Variants in DNM1L observed in about 807,000 individuals in gnomAD.
The protein encoded by DNM1L is dynamin-1-like protein.
DNM1L carries 33 observed loss-of-function variants against 92.8 expected under a neutral mutation model. The observed-to-expected ratio is 0.36, with a 90% CI of 0.27 to 0.48. The LOEUF (loss-of-function observed/expected upper bound fraction) is 0.48. Among genes scored for constraint, DNM1L ranks in the 20% least tolerant of loss-of-function variants. DNM1L has a pLI of 0.99. For missense variants in DNM1L, 485 were observed against 888.8 expected (o/e 0.55, Z 5.78); for synonymous variants, 284 against 305.0 (o/e 0.93, Z 0.72).
chr12:32,740,498 CAGAA>C lies in DNM1L; in HGVS notation c.1979_1982del (p.Lys660IlefsTer10), dbSNP rs1955214230. On this transcript the variant is annotated frameshift_variant, in exon 18 of 20. Transcript: ENST00000549701. LOFTEE classifies it high-confidence loss of function. The stretch of plus-strand genomic sequence containing the variant: ...TCATTAAATCATATTTTCTCATTGT[CAGAA>C]AGAATATTCAAGACAGGTTAGTATT... The C allele has an allele frequency of 1.9e-6, 3 of 1,613,076 alleles. No individual in the cohort carries two copies. The highest frequency in any genetic ancestry group is 1.7e-6 in the Non-Finnish European group (2 of 1,179,442).
intron 9 of DNM1L, chr12:32,727,500 T>A: frequency 3.7e-5 from 19 of 517,906 alleles, no homozygotes; most frequent in Middle Eastern, 5.3e-4. Context: ...CAGATGGCGC[T>A]AAAAAAAGAG....
At chr12:32,726,643 G>A in intron 9 of DNM1L, 2 of 800,466 alleles carry the variant, frequency 2.5e-6, no homozygotes, top group South Asian at 1.7e-5. Context: ...GGAACTTCAG[G>A]AGGGGCAAGA....
chr12:32,694,421 A>G (rs74480731), intron 1 of DNM1L, among the ~76,000 whole-genome samples: 2,784 of 152,322 alleles, frequency 0.018, 89 homozygotes, highest in African/African-American at 0.064. Context: ...GTCAAATAAT[A>G]TGTGGTCTTT....
At chr12:32,692,934 A>G (rs1952289515) in intron 1 of DNM1L, 1 of 152,236 alleles carries the variant, frequency 6.6e-6, no homozygotes, top group South Asian at 2.1e-4. Context: ...ATAATGGTCC[A>G]TTATAGGAAT....
chr12:32,718,892 CT>C, intron 7 of DNM1L, 129 bp downstream of exon 7: 1 of 1,296,950 alleles, frequency 7.7e-7, no homozygotes, highest in South Asian at 1.2e-5. Flanking sequence ...TTTTTTCTCC[CT>C]TTTATTATGA....
intron 7 of DNM1L, among the ~76,000 whole-genome samples, chr12:32,719,408 G>A (rs981931737): frequency 1.3e-5 from 2 of 152,182 alleles, no homozygotes; most frequent in Admixed American, 6.5e-5. Flanking sequence ...GCACCCAATC[G>A]AGAAAGAGTT....
intron 1 of DNM1L, among the ~76,000 whole-genome samples, chr12:32,690,328 T>C (rs1260362191): frequency 6.6e-6 from 1 of 152,224 alleles, no homozygotes; most frequent in African/African-American, 2.4e-5. Context: ...GGCCCAGATT[T>C]CTGGTTTTGC....
intron 1 of DNM1L, among the ~76,000 whole-genome samples, chr12:32,683,648 G>A (rs1951889112): frequency 6.6e-6 from 1 of 151,914 alleles, no homozygotes; most frequent in African/African-American, 2.4e-5. Context: ...GAGTTCAAGT[G>A]ATTCTCCTGC....
rs1952876484 is a variant in DNM1L, at chr12:32,705,195, G to T, written c.251-2172G>T. ...TTTTTGTATTTTTAGTAGAGACGGG[G>T]TTTTGCCATGTTGGCCAGGCTGGTC... On this transcript the variant is annotated intron_variant, in intron 2 of 19. Transcript: ENST00000549701. Among the ~76,000 whole-genome samples, 5 of 151,802 alleles carry T rather than the reference G, an allele frequency of 3.3e-5. No individual in the cohort carries two copies. The South Asian group carries it at 1.0e-3, about 32-fold the overall frequency.
In DNM1L at chr12:32,731,624, T is replaced by C; in HGVS notation, c.1356+113T>C. 1 of 1,349,842 alleles carries C rather than the reference T, an allele frequency of 7.4e-7. No individual in the cohort carries two copies. Among genetic ancestry groups the C allele is most frequent in the East Asian group, 2.4e-5 (1 of 41,836 alleles). The allele number at this position is 1,349,842 out of a possible 1,614,324, so 83.6% of individuals were successfully genotyped here. ...TGGGATACAAGGTAAAATCTGTAGT[T>C]CCCTTACCTGAAAGTGATTTGAAAT... On this transcript the variant is annotated intron_variant, in intron 11 of 19. Transcript: ENST00000549701. The surrounding 1 kb of genome is among the most constrained non-coding windows in gnomAD (Gnocchi z 5.1).
In DNM1L at chr12:32,731,541, A is replaced by G. The variant is rs548786269; in HGVS notation, c.1356+30A>G. 2 of 1,612,992 alleles carry G rather than the reference A, an allele frequency of 1.2e-6. No individual in the cohort carries two copies. Among genetic ancestry groups the G allele is most frequent in the Admixed American group, 1.7e-5 (1 of 60,028 alleles). On this transcript the variant is annotated intron_variant, in intron 11 of 19. Coordinates refer to ENST00000549701, the MANE Select transcript of DNM1L (RefSeq NM_012062.5). The surrounding 1 kb of genome is among the most constrained non-coding windows in gnomAD (Gnocchi z 5.1). ...CGGAGAGAAATGTAACAGGTTTCACATGAACTAGAAAAGGACATGAAGTGG... is the reference window on the plus strand; with the variant it reads ...CGGAGAGAAATGTAACAGGTTTCACGTGAACTAGAAAAGGACATGAAGTGG...
intron 1 of DNM1L, among the ~76,000 whole-genome samples, chr12:32,680,465 A>G (rs1013721407): frequency 5.3e-5 from 8 of 152,182 alleles, no homozygotes; most frequent in African/African-American, 1.9e-4. Context: ...TTACTGTTCA[A>G]AGTATTAGTG....
chr12:32,687,530 C>T (rs1003874821), intron 1 of DNM1L, among the ~76,000 whole-genome samples: 1 of 151,926 alleles, frequency 6.6e-6, no homozygotes, highest in African/African-American at 2.4e-5. Flanking sequence ...ACAGCCTCCA[C>T]CTCCTGAGTT....
intron 2 of DNM1L, among the ~76,000 whole-genome samples, chr12:32,704,549 TAAA>T (rs10600620): frequency 2.2e-4 from 32 of 145,048 alleles, no homozygotes; most frequent in Non-Finnish European, 2.4e-4. Context: ...GACTCCGTCT[TAAA>T]AAAAAAAAAA....
chr12:32,694,247 G>A (rs1349527479), intron 1 of DNM1L, among the ~76,000 whole-genome samples: 18 of 152,144 alleles, frequency 1.2e-4, no homozygotes, highest in Admixed American at 5.9e-4. Context: ...CACCTTGCCC[G>A]TGTAATTTTT....
intron 6 of DNM1L, among the ~76,000 whole-genome samples, chr12:32,714,499 C>T (rs1296750749): frequency 1.3e-5 from 2 of 151,672 alleles, no homozygotes; most frequent in African/African-American, 4.8e-5. Context: ...GTCTCGATCT[C>T]CTGACCTCGT....
intron 6 of DNM1L, among the ~76,000 whole-genome samples, chr12:32,714,561 C>T (rs1034411523): frequency 6.6e-5 from 10 of 152,096 alleles, no homozygotes; most frequent in East Asian, 5.8e-4. Context: ...TGTGAGCCAC[C>T]GTGCTTGGCC....
At chr12:32,735,183 G>C (rs1954789408) in intron 13 of DNM1L, among the ~76,000 whole-genome samples, 2 of 152,172 alleles carry the variant, frequency 1.3e-5, no homozygotes, top group African/African-American at 4.8e-5. Flanking sequence ...CAAATGAATA[G>C]GTTTCTGGTT....
At chr12:32,737,995 T>C in intron 15 of DNM1L, 53 bp downstream of exon 15, 1 of 1,565,920 alleles carries the variant, frequency 6.4e-7, no homozygotes, top group Non-Finnish European at 8.8e-7. Flanking sequence ...TGGTACAACA[T>C]AATCTTCTGG....
Sources: allele counts gnomAD v4.1 joint callset (sites outside exome capture counted in the v4.1 genomes callset), GRCh38; gene constraint gnomAD v4.1.1; non-coding constraint Gnocchi (gnomAD v3.1); transcripts MANE v1.5; gene names NCBI Gene and HGNC (gene_info 2026-07-23, HGNC 2026-07-21).